BMX: variants seen among roughly 807,000 people sequenced by gnomAD.
BMX encodes BMX non-receptor tyrosine kinase.
BMX carries 31 observed loss-of-function variants against 59.2 expected under a neutral mutation model. That is an observed-to-expected ratio of 0.52 (90% CI 0.39 to 0.71). The LOEUF is 0.71. BMX is among the 30% of genes least tolerant of loss of function. The pLI is 0.00. For missense variants in BMX, 474 were observed against 491.7 expected (o/e 0.96, Z 0.34); for synonymous variants, 185 against 181.0 (o/e 1.02, Z -0.18).
chrX:15,550,958 G>A (rs1257811978), intron 18 of BMX, among the ~76,000 whole-genome samples: 1 of 110,987 alleles, frequency 9.0e-6, no homozygotes, highest in African/African-American at 3.3e-5. Context: ...ATTGTAAAAG[G>A]GTGTCCAGGT....
chrX:15,537,589 A>G (rs1315689935), intron 14 of BMX, among the ~76,000 whole-genome samples: 1 of 111,396 alleles, frequency 9.0e-6, no homozygotes, highest in Admixed American at 9.5e-5. Context: ...TGGTCTTCCA[A>G]ACTCCACCCC....
chrX:15,522,371 T>C lies in BMX; in HGVS notation c.536T>C (p.Val179Ala). 8.3e-7 allele frequency: 1 copy of C among 1,211,877 alleles called. No homozygotes were observed. Among genetic ancestry groups the C allele is most frequent in the Non-Finnish European group, 1.1e-6 (1 of 895,444 alleles). ...RVLKIPRAVP[V>A]LKMDAPSSST... ...CTGAAGATACCTCGGGCAGTTCCTG[T>C]TCTCAAAATGGATGCACCATCTTCA... is the stretch of plus-strand genomic sequence containing the variant. Residue 179 changes from valine (V) to alanine (A), a missense_variant, in exon 7 of 19, where the codon GTT becomes GCT. By Grantham distance (64) the Val-to-Ala change is moderately conservative. Transcript: ENST00000348343.
chrX:15,508,257 T>C lies in BMX; in HGVS notation c.-9-88T>C, dbSNP rs1009936770. 4 of 598,546 alleles carry C rather than the reference T, an allele frequency of 6.7e-6. No homozygotes were observed. The African/African-American group carries it at 7.1e-5, about 11-fold the overall frequency. The allele number at this position is 598,546 out of a possible 1,213,427, so 49.3% of individuals were successfully genotyped here. A position where few individuals can be genotyped will look rare whatever the true frequency, so the allele number is the denominator to read the frequency against. On this transcript the variant is annotated intron_variant, in intron 1 of 18. Coordinates refer to ENST00000348343, the MANE Select transcript of BMX (RefSeq NM_203281.3). The stretch of plus-strand genomic sequence containing the variant: ...AATCAGCATTTATATTATCCCTTAA[T>C]AGGAAATCGTTGAGGAAAAGATATG...
At chrX:15,520,803 G>T (rs1312000273) in intron 6 of BMX, among the ~76,000 whole-genome samples, 2 of 110,955 alleles carry the variant, frequency 1.8e-5, no homozygotes, top group East Asian at 5.7e-4. Context: ...CTCTCTAGTT[G>T]TTCTGTTCAA....
intron 2 of BMX, 32 bp from the exon 3 acceptor site, chrX:15,509,297 G>C: frequency 8.9e-7 from 1 of 1,128,191 alleles, no homozygotes; most frequent in East Asian, 3.2e-5. Context: ...ATGTATTGCA[G>C]GAAGTATCTT....
chrX:15,523,614 G>A (rs988977523), intron 7 of BMX, among the ~76,000 whole-genome samples: 2 of 111,269 alleles, frequency 1.8e-5, no homozygotes, highest in Non-Finnish European at 3.8e-5. Context: ...ACATTTGTGC[G>A]CCTGCAGCCC....
intron 6 of BMX, among the ~76,000 whole-genome samples, chrX:15,521,307 T>C (rs1389182640): frequency 5.3e-5 from 6 of 112,327 alleles, no homozygotes; most frequent in Non-Finnish European, 9.4e-5. Context: ...TTATAAAGTG[T>C]GTAGTCATTT....
Position 15,517,989 on chromosome X carries a change from G to A in BMX, c.506G>A (p.Arg169Lys), listed in dbSNP as rs745615904. 31 of 1,201,699 alleles carry A rather than the reference G, an allele frequency of 2.6e-5. No homozygotes were observed. Among genetic ancestry groups the A allele is most frequent in the Non-Finnish European group, 3.4e-5 (30 of 888,597 alleles). Reference sequence around the variant, plus strand: ...CACAGAGTTCCCACCTTCCCAGACAGAGTGGTAAGTCAACATTTTAAAAAT... The same window carrying A: ...CACAGAGTTCCCACCTTCCCAGACAAAGTGGTAAGTCAACATTTTAAAAAT... ...EKHRVPTFPD[R>K]VLKIPRAVPV... is the part of the protein sequence containing the mutation. Residue 169 changes from arginine to lysine, a missense_variant, in exon 6 of 19, where the codon AGA becomes AAA. By Grantham distance (26) the Arg-to-Lys change is conservative. Coordinates refer to ENST00000348343, the MANE Select transcript of BMX (RefSeq NM_203281.3).
At chrX:15,536,570 C>T (rs1601654915) in intron 13 of BMX, 143 bp downstream of exon 13, 14 of 408,113 alleles carry the variant, frequency 3.4e-5, no homozygotes. Flanking sequence ...GAAGGATTTT[C>T]TTTAAAAAAA....
intron 16 of BMX, among the ~76,000 whole-genome samples, chrX:15,545,761 G>A (rs1359774321): frequency 9.0e-6 from 1 of 110,700 alleles, no homozygotes; most frequent in African/African-American, 3.3e-5. Context: ...ATTACCTGAC[G>A]GTCACCTAAT....
intron 15 of BMX, 109 bp from the exon 16 acceptor site, chrX:15,542,962 T>A: frequency 1.4e-6 from 1 of 699,048 alleles, no homozygotes. Flanking sequence ...CACTTGGGGG[T>A]TGTGCTAGGT....
intron 14 of BMX, among the ~76,000 whole-genome samples, chrX:15,541,370 C>T (rs1433326002): frequency 9.1e-6 from 1 of 109,953 alleles, no homozygotes; most frequent in African/African-American, 3.3e-5. Flanking sequence ...TGAAAATTAT[C>T]TCATTAAAAA....
At chrX:15,525,241 T>G (rs761418171) in intron 7 of BMX, 47 bp from the exon 8 acceptor site, 14 of 1,090,973 alleles carry the variant, frequency 1.3e-5, no homozygotes, top group Non-Finnish European at 1.7e-5. Flanking sequence ...TTAAAATTTA[T>G]AAGTAGACAT....
At position 15,518,012 on chromosome X, in the gene BMX, A is replaced by G; in HGVS notation, c.510+19A>G. 1 of 1,178,739 alleles carries G rather than the reference A, an allele frequency of 8.5e-7. No individual in the cohort carries two copies. The highest frequency in any genetic ancestry group is 1.1e-6 in the Non-Finnish European group (1 of 870,202). On this transcript the variant is annotated intron_variant, in intron 6 of 18. Coordinates refer to ENST00000348343, the MANE Select transcript of BMX (RefSeq NM_203281.3). ...CAGAGTGGTAAGTCAACATTTTAAAAATGTTTTTCATGGTCAGGATATATT... is the reference window on the plus strand; with the variant it reads ...CAGAGTGGTAAGTCAACATTTTAAAGATGTTTTTCATGGTCAGGATATATT...
chrX:15,542,729 T>C (rs1925754808), intron 15 of BMX, among the ~76,000 whole-genome samples: 1 of 111,822 alleles, frequency 8.9e-6, no homozygotes. Context: ...AGGTGCAGCG[T>C]TTATGCCTTC....
At chrX:15,513,044 A>G (rs1215185471) in intron 4 of BMX, among the ~76,000 whole-genome samples, 1 of 112,544 alleles carries the variant, frequency 8.9e-6, no homozygotes, top group African/African-American at 3.2e-5. Context: ...TGCCATATGC[A>G]CAATAAGTGG....
At chrX:15,535,081 A>C (rs755022637) in intron 12 of BMX, among the ~76,000 whole-genome samples, 1 of 112,128 alleles carries the variant, frequency 8.9e-6, no homozygotes, top group East Asian at 2.8e-4. Context: ...TTTCTGAGAC[A>C]AAGGCTAAGA....
intron 1 of BMX, among the ~76,000 whole-genome samples, chrX:15,506,141 C>T (rs188051056): frequency 1.8e-5 from 2 of 110,985 alleles, no homozygotes; most frequent in Non-Finnish European, 3.8e-5. Flanking sequence ...ATTCTCCCTC[C>T]TCAGCCTCCT....
chrX:15,523,473 G>A (rs963102748), intron 7 of BMX, among the ~76,000 whole-genome samples: 8 of 112,234 alleles, frequency 7.1e-5, no homozygotes, highest in African/African-American at 1.6e-4. Context: ...AGGGCCATAT[G>A]GAATTTGAAA....
Sources: allele counts gnomAD v4.1 joint callset (sites outside exome capture counted in the v4.1 genomes callset), GRCh38; gene constraint gnomAD v4.1.1; transcripts MANE v1.5; gene names NCBI Gene and HGNC (gene_info 2026-07-23, HGNC 2026-07-21).